Variants in TFDP2 observed in about 807,000 individuals in gnomAD.
TFDP2 encodes the protein transcription factor Dp-2 (E2F dimerization partner 2).
A neutral mutation model predicts 59.3 loss-of-function variants in TFDP2; 17 were observed. The observed-to-expected ratio is 0.29, with a 90% CI of 0.20 to 0.43. The LOEUF (loss-of-function observed/expected upper bound fraction) is 0.43, where lower values mean the gene tolerates loss of function less well. Among genes scored for constraint, TFDP2 ranks in the 20% least tolerant of loss-of-function variants. The probability of loss-of-function intolerance (pLI) is 1.00; values close to 1 mark genes in which losing one functional copy is unlikely to be tolerated. For synonymous variants in TFDP2, 180 were observed against 194.7 expected (o/e 0.92, Z 0.63); for missense variants, 391 against 528.8 (o/e 0.74, Z 2.56).
At chr3:141,956,940 AC>A (rs35650402) in intron 11 of TFDP2, among the ~76,000 whole-genome samples, 6 of 137,738 alleles carry the variant, frequency 4.4e-5, no homozygotes, top group Admixed American at 3.0e-4. Context: ...ACCCTGCCCC[AC>A]CCCCCCCACA....
At chr3:142,085,754 A>ATT in intron 3 of TFDP2, among the ~76,000 whole-genome samples, 1 of 152,150 alleles carries the variant, frequency 6.6e-6, no homozygotes, top group Non-Finnish European at 1.5e-5. Flanking sequence ...AAGTATTGCT[A>ATT]ATAACCTCAG....
At chr3:142,135,154 G>C (rs2062676204) in intron 1 of TFDP2, among the ~76,000 whole-genome samples, 1 of 152,050 alleles carries the variant, frequency 6.6e-6, no homozygotes, top group Non-Finnish European at 1.5e-5. Flanking sequence ...GAAAGCAGTA[G>C]CTATACATAG....
At chr3:142,065,481 C>T (rs2060042630) in intron 3 of TFDP2, among the ~76,000 whole-genome samples, 1 of 151,302 alleles carries the variant, frequency 6.6e-6, no homozygotes, top group South Asian at 2.1e-4. Context: ...AAAGCTAGAA[C>T]CATTCACTCT....
At chr3:142,109,758 G>C (rs2061591223) in intron 1 of TFDP2, among the ~76,000 whole-genome samples, 2 of 151,900 alleles carry the variant, frequency 1.3e-5, no homozygotes, top group Admixed American at 6.6e-5. Context: ...ATTTTTAGCA[G>C]AAAAAAATAG....
At chr3:142,008,832 G>A (rs145359012) in intron 3 of TFDP2, among the ~76,000 whole-genome samples, 47 of 152,236 alleles carry the variant, frequency 3.1e-4, no homozygotes, top group African/African-American at 1.1e-3. Flanking sequence ...TTATGTGTGT[G>A]TATGTATGTG....
At chr3:141,986,208 T>C (rs1420889427) in intron 6 of TFDP2, among the ~76,000 whole-genome samples, 1 of 152,246 alleles carries the variant, frequency 6.6e-6, no homozygotes, top group Non-Finnish European at 1.5e-5. Context: ...CATCGTCTAG[T>C]GACTTACAGC....
chr3:142,110,637 G>A (rs944659558), intron 1 of TFDP2, among the ~76,000 whole-genome samples: 11 of 151,928 alleles, frequency 7.2e-5, no homozygotes, highest in East Asian at 1.9e-4. Context: ...CCAGCTACCC[G>A]TCAAACACTA....
At chr3:142,089,563 T>C (rs1164390245) in intron 3 of TFDP2, among the ~76,000 whole-genome samples, 1 of 151,998 alleles carries the variant, frequency 6.6e-6, no homozygotes, top group Non-Finnish European at 1.5e-5. Context: ...CTTATCTTAA[T>C]AAATAAAAAG....
rs557715298 is a variant in TFDP2, at chr3:142,112,295, T to C, written c.-92-10454A>G. 4.6e-5 allele frequency among the ~76,000 whole-genome samples: 7 copies of C among 152,316 alleles called. No individual in the cohort carries two copies. The East Asian group carries it at 1.3e-3, about 29-fold the overall frequency. On this transcript the variant is annotated intron_variant, in intron 1 of 12. Coordinates refer to ENST00000489671, the MANE Select transcript of TFDP2 (RefSeq NM_001178139.2). ...CAAATAAGTTTCTATTCACTATCTA[T>C]TTATCTAGCAGTCAAACCACCTTAA...
At chr3:141,992,106 G>GAA (rs1442112567) in intron 6 of TFDP2, among the ~76,000 whole-genome samples, 2 of 141,952 alleles carry the variant, frequency 1.4e-5, no homozygotes, top group Non-Finnish European at 3.1e-5. Flanking sequence ...AAGAAAGAAA[G>GAA]AAGAAAAAAA....
At chr3:142,139,391 G>A (rs936612066) in intron 1 of TFDP2, among the ~76,000 whole-genome samples, 1 of 152,104 alleles carries the variant, frequency 6.6e-6, no homozygotes, top group Non-Finnish European at 1.5e-5. Context: ...TGTTATGTGT[G>A]GATTTGATCC....
intron 3 of TFDP2, among the ~76,000 whole-genome samples, chr3:142,087,686 G>A (rs371720754): frequency 1.4e-4 from 21 of 151,860 alleles, no homozygotes; most frequent in African/African-American, 5.1e-4. Context: ...AATTTTTGTA[G>A]AGGTGGGGTT....
At chr3:142,056,909 C>T (rs1299861573) in intron 3 of TFDP2, among the ~76,000 whole-genome samples, 1 of 152,164 alleles carries the variant, frequency 6.6e-6, no homozygotes, top group Non-Finnish European at 1.5e-5. Context: ...GCAGAAATAC[C>T]TACGTAAGCC....
At chr3:142,067,203 T>G (rs946550736) in intron 3 of TFDP2, among the ~76,000 whole-genome samples, 5 of 152,098 alleles carry the variant, frequency 3.3e-5, no homozygotes, top group Non-Finnish European at 7.4e-5. Context: ...AAAGAAGAAC[T>G]AGAAACTGAA....
At chr3:141,999,159 G>T (rs530468157) in intron 4 of TFDP2, among the ~76,000 whole-genome samples, 46 of 152,116 alleles carry the variant, frequency 3.0e-4, no homozygotes, top group African/African-American at 1.1e-3. Context: ...TTTCTCCTCC[G>T]CAGCCTGCTC....
chr3:142,075,906 CAAA>C (rs60581045), intron 3 of TFDP2, among the ~76,000 whole-genome samples: 9 of 80,696 alleles, frequency 1.1e-4, no homozygotes, highest in Admixed American at 1.4e-4. Flanking sequence ...GAACCTGCCT[CAAA>C]AAAAAAAAAA....
At chr3:142,047,809 T>C (rs1325140694) in intron 3 of TFDP2, among the ~76,000 whole-genome samples, 1 of 151,366 alleles carries the variant, frequency 6.6e-6, no homozygotes, top group Non-Finnish European at 1.5e-5. Context: ...TGGCGCGATC[T>C]TGGTTCACTG....
At chr3:141,989,799 T>A (rs1942544263) in intron 6 of TFDP2, among the ~76,000 whole-genome samples, 1 of 152,128 alleles carries the variant, frequency 6.6e-6, no homozygotes, top group Non-Finnish European at 1.5e-5. Context: ...CTTTTCATTA[T>A]AATAACACTA....
intron 2 of TFDP2, among the ~76,000 whole-genome samples, chr3:142,095,020 C>T (rs1486095324): frequency 2.0e-5 from 3 of 151,268 alleles, no homozygotes; most frequent in African/African-American, 4.9e-5. Flanking sequence ...GATGGAGTTT[C>T]GTTTTTGTTG....
Sources: allele counts gnomAD v4.1 joint callset (sites outside exome capture counted in the v4.1 genomes callset), GRCh38; gene constraint gnomAD v4.1.1; transcripts MANE v1.5; gene names NCBI Gene and HGNC (gene_info 2026-07-23, HGNC 2026-07-21).